Variants in TUSC3 observed in about 807,000 individuals in gnomAD.
TUSC3 encodes tumor suppressor candidate 3.
In TUSC3, 45 loss-of-function variants were observed where a neutral mutation model predicts 44.8. That is an observed-to-expected ratio of 1.00 (90% CI 0.79 to 1.29). TUSC3 has a LOEUF of 1.29. Ranked by LOEUF, TUSC3 falls within the 50% of genes most tolerant of loss-of-function variation. The pLI is 0.00. For synonymous variants in TUSC3, 212 were observed against 152.9 expected, an observed-to-expected ratio of 1.39 and a Z score of -2.85; for missense variants, 519 against 437.9, an observed-to-expected ratio of 1.19 and a Z score of -1.65.
At chr8:15,698,608 C>T (rs1273826082) in intron 6 of TUSC3, among the ~76,000 whole-genome samples, 2 of 152,108 alleles carry the variant, frequency 1.3e-5, no homozygotes, top group East Asian at 1.9e-4. Context: ...TATACTATTA[C>T]ATCTCAGAAT....
Position 15,430,424 on chromosome 8 carries a change from A to C in TUSC3, n.91+13119A>C, listed in dbSNP as rs574791282. On this transcript the variant is annotated intron_variant and non_coding_transcript_variant, in intron 1 of 5. Coordinates refer to the TUSC3 transcript ENST00000503191. ...GCAGAAAAGGCCTTTGACAAAGTTC[A>C]ACAACCCTTCATGTTAAAAACTCTC... 1.3e-3 allele frequency among the ~76,000 whole-genome samples: 197 copies of C among 150,856 alleles called. 3 individuals carry two copies. The highest frequency in any genetic ancestry group is 2.2e-3 in the Non-Finnish European group (147 of 67,846).
the TUSC3 span, among the ~76,000 whole-genome samples, chr8:15,775,694 A>T: frequency 1.4e-5 from 2 of 148,040 alleles, no homozygotes; most frequent in East Asian, 3.9e-4. Context: ...ATATGTACAC[A>T]CACACATATA....
intron 1 of TUSC3, among the ~76,000 whole-genome samples, chr8:15,452,443 T>C (rs1800206902): frequency 6.6e-6 from 1 of 152,210 alleles, no homozygotes; most frequent in African/African-American, 2.4e-5. Flanking sequence ...CCTTTTTTCT[T>C]CCAGAATAAC....
At chr8:15,431,385 C>T (rs1355017086) in intron 1 of TUSC3, among the ~76,000 whole-genome samples, 1 of 151,612 alleles carries the variant, frequency 6.6e-6, no homozygotes, top group Non-Finnish European at 1.5e-5. Flanking sequence ...TTTCATTGTA[C>T]AAGTCTCACT....
chr8:15,748,690 A>G, intron 9 of TUSC3: 2 of 675,908 alleles, frequency 3.0e-6, no homozygotes, highest in Non-Finnish European at 5.5e-6. Context: ...CTTTCTAGAC[A>G]TACATATTTT....
Position 15,442,915 on chromosome 8 carries a change from A to T in TUSC3, n.91+25610A>T, listed in dbSNP as rs183632051. Among the ~76,000 whole-genome samples, 21 of 151,776 alleles carry T rather than the reference A, an allele frequency of 1.4e-4. 1 individual carries two copies. Among genetic ancestry groups the T allele is most frequent in the African/African-American group, 4.8e-4 (20 of 41,400 alleles). The stretch of plus-strand genomic sequence containing the variant: ...TATCTGATCAAGTTTCTCTCCCCCG[A>T]CTCTTATTATCTAACTCCTCAATCT... On this transcript the variant is annotated intron_variant and non_coding_transcript_variant, in intron 1 of 5. Transcript: ENST00000503191.
intron 1 of TUSC3, among the ~76,000 whole-genome samples, chr8:15,618,561 T>C (rs572137232): frequency 2.9e-4 from 44 of 152,312 alleles, no homozygotes; most frequent in African/African-American, 1.1e-3. Context: ...ATAACAGTTA[T>C]GGAACTGTCA....
intron 1 of TUSC3, among the ~76,000 whole-genome samples, chr8:15,545,636 G>T (rs186310178): frequency 6.6e-6 from 1 of 151,582 alleles, no homozygotes; most frequent in Non-Finnish European, 1.5e-5. Context: ...CATTTTCAGG[G>T]TATTTTTCTC....
intron 1 of TUSC3, among the ~76,000 whole-genome samples, chr8:15,449,140 G>C (rs540200272): frequency 6.6e-6 from 1 of 152,244 alleles, no homozygotes; most frequent in African/African-American, 2.4e-5. Context: ...TGAAGCCTCT[G>C]GCCAGAAGCT....
chr8:15,678,328 T>G (rs1808276588), intron 6 of TUSC3, among the ~76,000 whole-genome samples: 1 of 152,160 alleles, frequency 6.6e-6, no homozygotes, highest in African/African-American at 2.4e-5. Flanking sequence ...ACTAAGGCAT[T>G]AAGGGCAAAG....
At chr8:15,724,090 TAGAGG>T (rs1163871976) in intron 6 of TUSC3, among the ~76,000 whole-genome samples, 2 of 152,028 alleles carry the variant, frequency 1.3e-5, no homozygotes, top group Admixed American at 6.6e-5. Context: ...GCCTTATAAG[TAGAGG>T]AAAGTATAGA....
intron 1 of TUSC3, among the ~76,000 whole-genome samples, chr8:15,541,026 T>C (rs943855920): frequency 1.9e-4 from 29 of 152,258 alleles, no homozygotes; most frequent in Admixed American, 4.6e-4. Flanking sequence ...ACTGTATGTT[T>C]ATTTTTGTTT....
chr8:15,535,893 A>G (rs114485344), upstream of TUSC3, among the ~76,000 whole-genome samples: 1 of 152,204 alleles, frequency 6.6e-6, no homozygotes, highest in Admixed American at 6.5e-5. Context: ...ATCATGGTCA[A>G]ACTTGTCCAA....
At chr8:15,641,353 C>G (rs1257833781) in intron 2 of TUSC3, among the ~76,000 whole-genome samples, 1 of 130,286 alleles carries the variant, frequency 7.7e-6, no homozygotes, top group Non-Finnish European at 1.6e-5. Context: ...GAGAGAGAGA[C>G]TCCGTCTCAA....
intron 6 of TUSC3, among the ~76,000 whole-genome samples, chr8:15,700,431 G>C (rs1425179241): frequency 6.6e-6 from 1 of 152,136 alleles, no homozygotes; most frequent in Non-Finnish European, 1.5e-5. Context: ...TAAGCAAAGT[G>C]CTGTGTGAAC....
intron 2 of TUSC3, among the ~76,000 whole-genome samples, chr8:15,493,307 C>G (rs548341125): frequency 9.6e-4 from 146 of 152,148 alleles, no homozygotes; most frequent in African/African-American, 3.3e-3. Flanking sequence ...GTTGCCCAGG[C>G]TAGAGTGCAG....
At chr8:15,691,381 T>C (rs1432507639) in intron 6 of TUSC3, among the ~76,000 whole-genome samples, 1 of 152,194 alleles carries the variant, frequency 6.6e-6, no homozygotes, top group Non-Finnish European at 1.5e-5. Context: ...TTTGCTGAAG[T>C]TGTTTAGCAG....
At chr8:15,545,604 T>A (rs1204866163) in intron 1 of TUSC3, among the ~76,000 whole-genome samples, 1 of 151,660 alleles carries the variant, frequency 6.6e-6, no homozygotes. Context: ...ACGTAAGAGA[T>A]AGGAGCTTGG....
chr8:15,662,427 A>G, intron 5 of TUSC3, 131 bp downstream of exon 5: 1 of 1,298,940 alleles, frequency 7.7e-7, no homozygotes. Flanking sequence ...ACTTTTTAGA[A>G]CTTGGATAAT....
Sources: allele counts gnomAD v4.1 joint callset (sites outside exome capture counted in the v4.1 genomes callset), GRCh38; gene constraint gnomAD v4.1.1; transcripts MANE v1.5; gene names NCBI Gene and HGNC (gene_info 2026-07-23, HGNC 2026-07-21).